The following TTC7A variants were observed in gnomAD, a reference collection of about 807,000 sequenced individuals.
TTC7A encodes the protein tetratricopeptide repeat domain 7A.
Under a neutral mutation model 103.7 loss-of-function variants are expected in TTC7A, and 110 were observed. That is an observed-to-expected ratio of 1.06 (90% CI 0.91 to 1.24). The LOEUF is 1.24. TTC7A is among the 50% of genes most tolerant of loss of function. The probability of loss-of-function intolerance (pLI) is 0.00; values close to 1 mark genes in which losing one functional copy is unlikely to be tolerated. For missense variants in TTC7A, 1,340 were observed against 1,116.3 expected (o/e 1.20, Z -2.86); for synonymous variants, 521 against 467.9 (o/e 1.11, Z -1.47).
chr2:46,937,507 G>C (rs963576049), upstream of TTC7A, among the ~76,000 whole-genome samples: 1 of 152,212 alleles, frequency 6.6e-6, no homozygotes, highest in East Asian at 1.9e-4. This position sits in a 1 kb window ranked among gnomAD's most constrained non-coding sequence, Gnocchi z 4.0. Context: ...ATCATCCAGA[G>C]CAGCCAGATT....
chr2:47,056,806 G>C (rs532134333), intron 18 of TTC7A, among the ~76,000 whole-genome samples: 2 of 152,184 alleles, frequency 1.3e-5, no homozygotes, highest in Non-Finnish European at 2.9e-5. Flanking sequence ...AGGATGATGA[G>C]AGCAGAGGGA....
At chr2:47,013,874 C>T (rs1177003144) in intron 11 of TTC7A, among the ~76,000 whole-genome samples, 1 of 152,126 alleles carries the variant, frequency 6.6e-6, no homozygotes, top group Non-Finnish European at 1.5e-5. Context: ...GGTTCAGGGG[C>T]TAGTTTGAGC....
At chr2:47,024,931 C>G (rs1413206323) in intron 14 of TTC7A, among the ~76,000 whole-genome samples, 1 of 152,190 alleles carries the variant, frequency 6.6e-6, no homozygotes, top group South Asian at 2.1e-4. Flanking sequence ...CAGGACTCCC[C>G]ACCTCAGGTC....
chr2:46,944,903 A>G (rs941343511), intron 1 of TTC7A, among the ~76,000 whole-genome samples: 15 of 152,136 alleles, frequency 9.9e-5, no homozygotes, highest in African/African-American at 3.4e-4. Context: ...AAATCTAACA[A>G]TTACGTTTTA....
rs1028124711 is a variant in TTC7A at position 47,073,674 on chromosome 2, C to T, written c.2356-28C>T. 18 of 1,608,556 alleles carry T rather than the reference C, an allele frequency of 1.1e-5. No individual in the cohort carries two copies. The Admixed American group carries it at 1.3e-4, about 12-fold the overall frequency. Reference sequence around the variant, plus strand: ...ATGCCTGTGCCATGGGACACCCCTACTCACCCTGCCCTGTGCTTCGTCCAC... The same window carrying T: ...ATGCCTGTGCCATGGGACACCCCTATTCACCCTGCCCTGTGCTTCGTCCAC... On this transcript the variant is annotated intron_variant, in intron 19 of 19. Coordinates refer to ENST00000319190, the MANE Select transcript of TTC7A (RefSeq NM_020458.4).
intron 11 of TTC7A, among the ~76,000 whole-genome samples, chr2:47,014,250 A>G (rs1678391539): frequency 6.6e-6 from 1 of 152,148 alleles, no homozygotes; most frequent in Admixed American, 6.5e-5. Context: ...GCCTACATAT[A>G]GTAGGTGCTA....
upstream of TTC7A, among the ~76,000 whole-genome samples, chr2:46,940,743 G>T (rs2103878468): frequency 6.6e-6 from 1 of 152,312 alleles, no homozygotes. The surrounding 1 kb of genome is among the most constrained non-coding windows in gnomAD (Gnocchi z 4.7). Flanking sequence ...GCGGGCCTGG[G>T]AACGGGCCTG....
intron 1 of TTC7A, among the ~76,000 whole-genome samples, chr2:46,947,440 G>A (rs533835048): frequency 8.0e-4 from 122 of 152,278 alleles, no homozygotes; most frequent in African/African-American, 2.4e-3. Flanking sequence ...ATCTGGCCAG[G>A]CATAGTGGTT....
At chr2:46,977,783 G>C (rs1178446976) in intron 4 of TTC7A, among the ~76,000 whole-genome samples, 1 of 152,160 alleles carries the variant, frequency 6.6e-6, no homozygotes. Context: ...CTTTTGCCCA[G>C]GCTGGTCTGG....
rs570915580 is a variant in TTC7A, at chr2:47,011,977, A to G, written c.1392+542A>G. On this transcript the variant is annotated intron_variant, in intron 11 of 19. Coordinates refer to ENST00000319190, the MANE Select transcript of TTC7A (RefSeq NM_020458.4). ...GAAGCAGCTGAACTGTTAGGAGGCT[A>G]TGGCTCCAGGTCTGCTCTTTCCCCA... Among the ~76,000 whole-genome samples, 19 of 152,330 alleles carry G rather than the reference A, an allele frequency of 1.2e-4. 1 individual carries two copies. In the South Asian group the frequency reaches 3.3e-3, roughly 27 times the overall value.
intron 14 of TTC7A, among the ~76,000 whole-genome samples, chr2:47,025,933 C>T (rs560949473): frequency 3.3e-5 from 5 of 152,226 alleles, no homozygotes; most frequent in Admixed American, 2.0e-4. Flanking sequence ...TGTAAAAGAA[C>T]CAGTGCTTTT....
At chr2:47,025,347 C>T (rs894041000) in intron 14 of TTC7A, among the ~76,000 whole-genome samples, 1 of 152,214 alleles carries the variant, frequency 6.6e-6, no homozygotes, top group African/African-American at 2.4e-5. Context: ...CCAGGCCTCT[C>T]TGATCCACAG....
chr2:47,061,821 C>T (rs546572192), intron 19 of TTC7A, among the ~76,000 whole-genome samples: 1 of 152,058 alleles, frequency 6.6e-6, no homozygotes, highest in South Asian at 2.1e-4. Context: ...AACATGTATC[C>T]GGATAAATAT....
At position 46,994,427 on chromosome 2, in the gene TTC7A, C is replaced by G. The variant is rs764343923; in HGVS notation, c.914C>G (p.Ser305Cys). ...GAGGAGTGCTACTGGAGCCCCCTGT[C>G]CCACCCTCTGCCTGAGTTCATGGGC... The part of the protein sequence containing the change: ...LSEECYWSPL[S>C]HPLPEFMGKE... Residue 305 changes from serine (S) to cysteine (C), a missense_variant, in exon 7 of 20, where the codon TCC (serine) becomes TGC (cysteine). By Grantham distance (112) the Ser-to-Cys change is moderately radical. Coordinates refer to ENST00000319190, the MANE Select transcript of TTC7A (RefSeq NM_020458.4). The G allele has an allele frequency of 3.7e-6, 6 of 1,614,086 alleles. No individual in the cohort carries two copies. The South Asian group carries it at 5.5e-5, about 15-fold the overall frequency.
intron 2 of TTC7A, among the ~76,000 whole-genome samples, chr2:46,931,327 C>T (rs866967960): frequency 6.6e-6 from 1 of 152,390 alleles, no homozygotes. Flanking sequence ...CTCAAGCAAT[C>T]CTCTCGCCTC....
intron 14 of TTC7A, among the ~76,000 whole-genome samples, chr2:47,028,538 A>G (rs574231388): frequency 6.6e-6 from 1 of 152,306 alleles, no homozygotes; most frequent in Admixed American, 6.5e-5. Context: ...AACTCAAGCC[A>G]GTGAAAATTG....
At chr2:46,949,014 T>C (rs1039484974) in intron 1 of TTC7A, among the ~76,000 whole-genome samples, 2 of 152,178 alleles carry the variant, frequency 1.3e-5, no homozygotes, top group Non-Finnish European at 1.5e-5. Flanking sequence ...TCAGTGCTTA[T>C]ATTGAATGGT....
intron 2 of TTC7A, among the ~76,000 whole-genome samples, chr2:46,933,157 C>G (rs1669800442): frequency 6.6e-6 from 1 of 152,088 alleles, no homozygotes; most frequent in African/African-American, 2.4e-5. Flanking sequence ...GAGAGGGGCC[C>G]ATTGTAGCAG....
intron 18 of TTC7A, among the ~76,000 whole-genome samples, chr2:47,059,008 G>GTTTTTTT (rs1683545267): frequency 2.1e-5 from 2 of 94,980 alleles, no homozygotes; most frequent in African/African-American, 1.2e-4. Flanking sequence ...TCCTAAGCCT[G>GTTTTTTT]CTTTTTTTTT....
Sources: allele counts gnomAD v4.1 joint callset (sites outside exome capture counted in the v4.1 genomes callset), GRCh38; gene constraint gnomAD v4.1.1; non-coding constraint Gnocchi (gnomAD v3.1); transcripts MANE v1.5; gene names NCBI Gene and HGNC (gene_info 2026-07-23, HGNC 2026-07-21).